OR1J2: variants seen among roughly 807,000 people sequenced by gnomAD.
OR1J2 encodes olfactory receptor family 1 subfamily J member 2.
For synonymous variants in OR1J2, 142 were observed against 99.7 expected (o/e 1.42, Z -2.52); for missense variants, 304 against 246.1 (o/e 1.24, Z -1.57).
chr9:122,508,666 G>A (rs931331700), upstream of OR1J2, among the ~76,000 whole-genome samples: 1 of 152,130 alleles, frequency 6.6e-6, no homozygotes, highest in African/African-American at 2.4e-5. Context: ...GATGGAAGCT[G>A]GGGAAGGACA....
chr9:122,463,573 G>A, the OR1J2 span, among the ~76,000 whole-genome samples: 1 of 152,148 alleles, frequency 6.6e-6, no homozygotes, highest in Non-Finnish European at 1.5e-5. Flanking sequence ...AGGGAAGTTT[G>A]GAACTCAAGG....
At chr9:122,448,166 G>T in the OR1J2 span, among the ~76,000 whole-genome samples, 1 of 152,146 alleles carries the variant, frequency 6.6e-6, no homozygotes, top group African/African-American at 2.4e-5. Flanking sequence ...GGGTGATAGT[G>T]GGGAGAAGGT....
At chr9:122,469,350 C>T in the OR1J2 span, among the ~76,000 whole-genome samples, 1 of 152,212 alleles carries the variant, frequency 6.6e-6, no homozygotes, top group Non-Finnish European at 1.5e-5. Context: ...CTCATGAGAT[C>T]TGTCGTTTTA....
At chr9:122,497,242 T>A in the OR1J2 span, among the ~76,000 whole-genome samples, 1 of 152,204 alleles carries the variant, frequency 6.6e-6, no homozygotes, top group Non-Finnish European at 1.5e-5. Flanking sequence ...TATGTTCTTG[T>A]AGATAGTTCT....
chr9:122,543,873 A>G, the OR1J2 span, among the ~76,000 whole-genome samples: 1 of 152,358 alleles, frequency 6.6e-6, no homozygotes, highest in African/African-American at 2.4e-5. Context: ...CCCAAACTGA[A>G]AGTGAGTAAA....
upstream of OR1J2, among the ~76,000 whole-genome samples, chr9:122,508,386 G>T (rs770218064): frequency 4.6e-5 from 7 of 152,086 alleles, no homozygotes; most frequent in Non-Finnish European, 8.8e-5. Flanking sequence ...ACCTGCCACC[G>T]ACTTGTCTTC....
the OR1J2 span, among the ~76,000 whole-genome samples, chr9:122,450,265 T>C: frequency 6.6e-6 from 1 of 152,090 alleles, no homozygotes; most frequent in African/African-American, 2.4e-5. Context: ...ACTCCGTCTC[T>C]ACTAAAAATA....
chr9:122,527,232 T>G, the OR1J2 span: 1 of 1,613,882 alleles, frequency 6.2e-7, no homozygotes, highest in South Asian at 1.1e-5. Context: ...GGACTGCTGT[T>G]GCTCTGGAGG....
the OR1J2 span, among the ~76,000 whole-genome samples, chr9:122,483,189 A>G: frequency 6.6e-6 from 1 of 152,230 alleles, no homozygotes. Context: ...TGAACAGTTT[A>G]AATTGGCTTA....
At chr9:122,539,939 T>G in the OR1J2 span, among the ~76,000 whole-genome samples, 1 of 152,170 alleles carries the variant, frequency 6.6e-6, no homozygotes, top group African/African-American at 2.4e-5. Flanking sequence ...GTTCATATCC[T>G]TCACCCACTT....
chr9:122,574,950 T>C, the OR1J2 span, among the ~76,000 whole-genome samples: 4 of 152,112 alleles, frequency 2.6e-5, no homozygotes, highest in African/African-American at 9.7e-5. Flanking sequence ...CATCTATTTA[T>C]GTATTCATGT....
At chr9:122,521,739 G>A in the OR1J2 span, among the ~76,000 whole-genome samples, 2 of 152,160 alleles carry the variant, frequency 1.3e-5, no homozygotes, top group East Asian at 3.9e-4. Context: ...CTCTGCTATA[G>A]TGATGTGATC....
the OR1J2 span, among the ~76,000 whole-genome samples, chr9:122,518,406 T>G: frequency 6.6e-6 from 1 of 152,242 alleles, no homozygotes; most frequent in East Asian, 1.9e-4. Context: ...CAGATTTGGT[T>G]TCTGGTGCGG....
the OR1J2 span, chr9:122,527,338 G>T: frequency 8.1e-7 from 1 of 1,227,334 alleles, no homozygotes; most frequent in Non-Finnish European, 1.2e-6. Flanking sequence ...TAGAATGCTA[G>T]ATTTCATCTA....
the OR1J2 span, among the ~76,000 whole-genome samples, chr9:122,566,816 A>C: frequency 6.6e-6 from 1 of 152,222 alleles, no homozygotes; most frequent in Non-Finnish European, 1.5e-5. Context: ...CACACATTTT[A>C]AACACATAGT....
the OR1J2 span, among the ~76,000 whole-genome samples, chr9:122,479,373 T>G: frequency 6.6e-6 from 1 of 152,230 alleles, no homozygotes; most frequent in African/African-American, 2.4e-5. Context: ...AGTTTGGATT[T>G]CCTCCTCCAG....
downstream of OR1J2, among the ~76,000 whole-genome samples, chr9:122,516,408 C>A (rs370005330): frequency 8.8e-3 from 1,331 of 150,894 alleles, 15 homozygotes; most frequent in African/African-American, 0.031. Flanking sequence ...GGTTCACGCC[C>A]TTCTCCTGCC....
chr9:122,467,368 G>T, the OR1J2 span, among the ~76,000 whole-genome samples: 1 of 151,848 alleles, frequency 6.6e-6, no homozygotes, highest in African/African-American at 2.4e-5. Context: ...TGATTTTTTT[G>T]AAAAATACCA....
chr9:122,453,733 G>A, the OR1J2 span, among the ~76,000 whole-genome samples: 3 of 152,164 alleles, frequency 2.0e-5, no homozygotes, highest in Non-Finnish European at 2.9e-5. Context: ...ATGCCTGCCT[G>A]TATTGTTTTC....
Sources: allele counts gnomAD v4.1 joint callset (sites outside exome capture counted in the v4.1 genomes callset), GRCh38; gene constraint gnomAD v4.1.1; transcripts MANE v1.5; gene names NCBI Gene and HGNC (gene_info 2026-07-23, HGNC 2026-07-21).